PHC1: variants seen among roughly 807,000 people sequenced by gnomAD.
The protein encoded by PHC1 is polyhomeotic-like protein 1.
A neutral mutation model predicts 104.3 loss-of-function variants in PHC1; 12 were observed. The ratio of observed to expected loss-of-function variants is 0.12; its 90% CI spans 0.07 to 0.19. The LOEUF is 0.19. Ranked by LOEUF, PHC1 falls within the 10% of genes least tolerant of loss-of-function variation. PHC1 has a pLI of 1.00. For missense variants in PHC1, 671 were observed against 1,200.0 expected (o/e 0.56, Z 6.51); for synonymous variants, 302 against 455.8 (o/e 0.66, Z 4.30).
Position 8,932,557 on chromosome 12 carries a change from CT to C in PHC1, c.1106-5del. On this transcript the variant is annotated splice_region_variant and splice_polypyrimidine_tract_variant and intron_variant, in intron 7 of 14. Coordinates refer to ENST00000544916, the MANE Select transcript of PHC1 (RefSeq NM_004426.3). ...TCTCTGTTGTATTCTGGGATTGTTC[CT>C]ATAGCCACCTACACACAGATCCAGC... The C allele has an allele frequency of 1.2e-6, 2 of 1,612,426 alleles. No individual in the cohort carries two copies. Among genetic ancestry groups the C allele is most frequent in the Non-Finnish European group, 1.7e-6 (2 of 1,178,780 alleles).
chr12:8,933,522 ACTC>A (rs1945750621), intron 8 of PHC1, 172 bp downstream of exon 8: 3 of 924,954 alleles, frequency 3.2e-6, no homozygotes, highest in Non-Finnish European at 4.6e-6. Context: ...TGAACTTTAT[ACTC>A]CTAAATTTGT....
intron 8 of PHC1, chr12:8,933,634 A>C: frequency 1.7e-6 from 1 of 604,390 alleles, no homozygotes; most frequent in Non-Finnish European, 2.8e-6. Context: ...TGGTTGGTCT[A>C]CGTGAATACA....
intron 1 of PHC1, 109 bp downstream of exon 1, chr12:8,914,936 C>G (rs1945156804): frequency 1.3e-5 from 2 of 154,234 alleles, no homozygotes; most frequent in Admixed American, 6.5e-5. Flanking sequence ...GTACCTCCCC[C>G]AGTTGCTTTC....
Position 8,935,218 on chromosome 12 carries a change from G to C in PHC1, c.2348G>C (p.Gly783Ala). 1 of 1,576,544 alleles carries C rather than the reference G, an allele frequency of 6.3e-7. No individual in the cohort carries two copies. Among genetic ancestry groups the C allele is most frequent in the Non-Finnish European group, 8.7e-7 (1 of 1,154,050 alleles). The part of the protein sequence containing the change: ...LTENQSGGPL[G>A]VDSPSAELDK... ...GAGAATCAGTCAGGTGGCCCTTTGG[G>C]AGTGGACAGCCCATCTGCTGGTGAG... The change falls in exon 11 of 15, where the codon GGA becomes GCA. Residue 783 changes from glycine (G) to alanine (A), a missense_variant. Gly to Ala is a moderately conservative substitution (Grantham distance 60). Transcript: ENST00000544916.
chr12:8,914,995 C>G (rs1163662565), intron 1 of PHC1, 168 bp downstream of exon 1: 2 of 153,230 alleles, frequency 1.3e-5, no homozygotes, highest in African/African-American at 4.8e-5. Context: ...CTCTGCCTGT[C>G]CGAGTCTTCT....
chr12:8,931,826 CA>C (rs1280863635), intron 7 of PHC1, among the ~76,000 whole-genome samples: 1 of 152,032 alleles, frequency 6.6e-6, no homozygotes, highest in Non-Finnish European at 1.5e-5. Context: ...AATTTACTCA[CA>C]AAAAAATTAA....
At chr12:8,923,624 C>T (rs986567232) in intron 6 of PHC1, among the ~76,000 whole-genome samples, 12 of 151,828 alleles carry the variant, frequency 7.9e-5, no homozygotes, top group Non-Finnish European at 1.3e-4. Context: ...GTCAGGAGAT[C>T]GAGACCATCC....
In PHC1 at chr12:8,933,888, C is replaced by T; in HGVS notation, c.1917C>T (p.Val639=). 4 of 1,613,520 alleles carry T rather than the reference C, an allele frequency of 2.5e-6. No individual in the cohort carries two copies. Among genetic ancestry groups the T allele is most frequent in the Non-Finnish European group, 3.4e-6 (4 of 1,179,428 alleles). Residue 639 remains valine (V), a synonymous_variant, in exon 9 of 15, where the codon GTC becomes GTT. Transcript: ENST00000544916. The part of the protein sequence containing the change: ...HLPGKPQTLA[V]KRKADSEEER... Reference sequence around the variant, plus strand: ...AGGGTAAACCCCAGACATTGGCTGTCAAACGCAAGGCTGACTCTGAGGAGG... The same window carrying T: ...AGGGTAAACCCCAGACATTGGCTGTTAAACGCAAGGCTGACTCTGAGGAGG...
intron 6 of PHC1, among the ~76,000 whole-genome samples, chr12:8,925,675 G>A (rs1333436813): frequency 6.6e-6 from 1 of 152,150 alleles, no homozygotes; most frequent in Non-Finnish European, 1.5e-5. Flanking sequence ...GGCATAGTGG[G>A]GCTAGACGGG....
At position 8,932,451 on chromosome 12, in the gene PHC1, A is replaced by G. The variant is rs770697664; in HGVS notation, c.1106-112A>G. The G allele has an allele frequency of 5.0e-5, 58 of 1,153,312 alleles. 1 individual carries two copies. The South Asian group carries it at 8.8e-4, about 18-fold the overall frequency. 71.4% of individuals were successfully genotyped at this position (1,153,312 alleles called of 1,614,324 possible). A position where few individuals can be genotyped will look rare whatever the true frequency, so the allele number is the denominator to read the frequency against. ...TACTGACTAGATTTCTTTTCACCGC[A>G]TAATTCCAAAACTAGGTTATACCTT... is the stretch of plus-strand genomic sequence containing the variant. On this transcript the variant is annotated intron_variant, in intron 7 of 14. Coordinates refer to ENST00000544916, the MANE Select transcript of PHC1 (RefSeq NM_004426.3).
intron 12 of PHC1, 51 bp from the exon 13 acceptor site, chr12:8,937,125 G>C (rs764430815): frequency 2.3e-5 from 36 of 1,566,822 alleles, no homozygotes; most frequent in Non-Finnish European, 3.1e-5. Flanking sequence ...ATTTAGAGCA[G>C]GGTGGTCTTC....
chr12:8,932,019 A>G (rs965092151), intron 7 of PHC1, among the ~76,000 whole-genome samples: 14 of 152,224 alleles, frequency 9.2e-5, no homozygotes, highest in Admixed American at 2.0e-4. Context: ...CTGACTCTCA[A>G]GACTCAGATG....
chr12:8,924,397 A>C (rs1945457258), intron 6 of PHC1, among the ~76,000 whole-genome samples: 1 of 152,168 alleles, frequency 6.6e-6, no homozygotes, highest in African/African-American at 2.4e-5. Context: ...AATTGCTTGA[A>C]TCTGGGAGGT....
At position 8,937,310 on chromosome 12, in the gene PHC1, A is replaced by G. The variant is rs1337091516; in HGVS notation, c.2612A>G (p.Gln871Arg). Residue 871 changes from glutamine (Q) to arginine (R), a missense_variant, in exon 13 of 15, where the codon CAG (glutamine) becomes CGG (arginine). Physicochemically the swap from Gln to Arg is conservative, Grantham distance 43 (BLOSUM62 1). Coordinates refer to ENST00000544916, the MANE Select transcript of PHC1 (RefSeq NM_004426.3). ...TCTGACATTGCCCGTGCCAAGATTCAGGGCAAGTGCCACCGGGTGAGCTGC... is the reference window on the plus strand; with the variant it reads ...TCTGACATTGCCCGTGCCAAGATTCGGGGCAAGTGCCACCGGGTGAGCTGC... ...SSSDIARAKI[Q>R]GKCHRGQEDS... The G allele has an allele frequency of 6.8e-6, 11 of 1,607,938 alleles. No homozygotes were observed. The highest frequency in any genetic ancestry group is 9.3e-6 in the Non-Finnish European group (11 of 1,177,152).
chr12:8,936,697 TA>T (rs1424760827), intron 11 of PHC1, among the ~76,000 whole-genome samples, 158 bp from the exon 12 acceptor site: 2 of 152,114 alleles, frequency 1.3e-5, no homozygotes, highest in African/African-American at 4.8e-5. Context: ...TTCGTGATTT[TA>T]GGTTTTGAAC....
chr12:8,936,959 T>C lies in PHC1; in HGVS notation c.2472T>C (p.Ala824=), dbSNP rs754660615. ...AGAGGTTCTGCTCCATGACTTGCGC[T>C]AAGAGGTACTCTGGGCACCCTCCTC... is the stretch of plus-strand genomic sequence containing the variant. ...GSKRFCSMTC[A]KRYNVSCSHQ... is the part of the protein sequence containing the mutation. The change falls in exon 12 of 15, where the codon GCT becomes GCC. Residue 824 remains alanine, a synonymous_variant. Coordinates refer to ENST00000544916, the MANE Select transcript of PHC1 (RefSeq NM_004426.3). The C allele has an allele frequency of 6.2e-7, 1 of 1,603,916 alleles. No individual in the cohort carries two copies. Among genetic ancestry groups the C allele is most frequent in the South Asian group, 1.1e-5 (1 of 90,640 alleles).
Position 8,935,252 on chromosome 12 carries a change from TAG to T in PHC1, c.2368+18_2368+19del. On this transcript the variant is annotated intron_variant, in intron 11 of 14. Transcript: ENST00000544916. ...GCCCATCTGCTGGTGAGCATTTATTTAGAGACTCATTTGGGGGAAGGAGACTC... is the reference window on the plus strand; with the variant it reads ...GCCCATCTGCTGGTGAGCATTTATTTAGACTCATTTGGGGGAAGGAGACTC... The T allele has an allele frequency of 7.2e-7, 1 of 1,395,154 alleles. No individual in the cohort carries two copies. The highest frequency in any genetic ancestry group is 1.2e-5 in the South Asian group (1 of 81,700). 86.4% of individuals were successfully genotyped at this position (1,395,154 alleles called of 1,614,324 possible).
chr12:8,919,739 A>G lies in PHC1; in HGVS notation c.115-17A>G, dbSNP rs1173191377. 2 of 1,607,812 alleles carry G rather than the reference A, an allele frequency of 1.2e-6. No homozygotes were observed. The highest frequency in any genetic ancestry group is 2.2e-5 in the East Asian group (1 of 44,868). On this transcript the variant is annotated splice_polypyrimidine_tract_variant and intron_variant, in intron 2 of 14. Transcript: ENST00000544916. The surrounding 1 kb of genome is among the most constrained non-coding windows in gnomAD (Gnocchi z 4.9). ...AGGAGTGGTCCATTCTAAATGTTTT[A>G]TCCTCTCTTTTCCTAGGCTCTGCAA...
chr12:8,924,725 A>G (rs891900242), intron 6 of PHC1, among the ~76,000 whole-genome samples: 1 of 152,224 alleles, frequency 6.6e-6, no homozygotes, highest in African/African-American at 2.4e-5. Flanking sequence ...AATAGAATCA[A>G]CAGGCATGAT....
Sources: gnomAD v4.1 joint callset for allele counts (sites outside exome capture counted in the v4.1 genomes callset) on GRCh38, gnomAD v4.1.1 for gene constraint, Gnocchi (gnomAD v3.1) non-coding constraint, MANE v1.5 for transcripts, NCBI Gene and HGNC (gene_info 2026-07-23, HGNC 2026-07-21) for gene names.